The following SHANK2 variants were observed in gnomAD, a reference collection of about 807,000 sequenced individuals.
SHANK2 encodes the protein SH3 and multiple ankyrin repeat domains protein 2.
SHANK2 carries 43 observed loss-of-function variants against 133.7 expected under a neutral mutation model. The observed-to-expected ratio is 0.32, with a 90% CI of 0.25 to 0.41. SHANK2 has a LOEUF of 0.41. Ranked by LOEUF, SHANK2 falls within the 10% of genes least tolerant of loss-of-function variation. The probability of loss-of-function intolerance (pLI) is 1.00; values close to 1 mark genes in which losing one functional copy is unlikely to be tolerated. For missense variants in SHANK2, 1,994 were observed against 2,235.8 expected, an observed-to-expected ratio of 0.89 and a Z score of 2.18; for synonymous variants, 1,017 against 952.8, an observed-to-expected ratio of 1.07 and a Z score of -1.24.
chr11:71,149,339 C>T (rs1318050910), intron 2 of SHANK2, among the ~76,000 whole-genome samples: 3 of 152,220 alleles, frequency 2.0e-5, no homozygotes, highest in African/African-American at 4.8e-5. Flanking sequence ...ACCTACAGAG[C>T]TGACTTCACC....
At chr11:70,815,433 C>T (rs564576321) in intron 12 of SHANK2, among the ~76,000 whole-genome samples, 23 of 152,136 alleles carry the variant, frequency 1.5e-4, no homozygotes, top group South Asian at 1.2e-3. Context: ...TGATGGGCAG[C>T]GAGGGACCCT....
intron 17 of SHANK2, among the ~76,000 whole-genome samples, chr11:70,562,030 C>T (rs1325954309): frequency 6.6e-6 from 1 of 152,102 alleles, no homozygotes; most frequent in Non-Finnish European, 1.5e-5. Flanking sequence ...TTTCTAATTT[C>T]CCATTTGATT....
chr11:70,752,866 T>C (rs1269770500), intron 14 of SHANK2, among the ~76,000 whole-genome samples: 2 of 151,930 alleles, frequency 1.3e-5, no homozygotes, highest in African/African-American at 4.8e-5. Context: ...GTAATCTCAG[T>C]ACCTTGCGGG....
At chr11:70,745,206 G>A (rs1180289141) in intron 14 of SHANK2, among the ~76,000 whole-genome samples, 9 of 152,192 alleles carry the variant, frequency 5.9e-5, no homozygotes, top group African/African-American at 1.4e-4. Context: ...AGTGAGCCCC[G>A]CCTTTCTCTG....
chr11:70,851,134 C>G (rs1949081167), intron 11 of SHANK2, among the ~76,000 whole-genome samples: 2 of 152,192 alleles, frequency 1.3e-5, no homozygotes, highest in African/African-American at 2.4e-5. Flanking sequence ...TCTGGACTTT[C>G]CACTTCATGG....
intron 17 of SHANK2, among the ~76,000 whole-genome samples, chr11:70,585,690 T>A (rs2060239775): frequency 6.6e-6 from 1 of 151,314 alleles, no homozygotes; most frequent in Non-Finnish European, 1.5e-5. Context: ...TACCCACTCA[T>A]CTATCCATTT....
intron 11 of SHANK2, among the ~76,000 whole-genome samples, chr11:70,879,643 A>G (rs1949626252): frequency 6.6e-6 from 1 of 152,236 alleles, no homozygotes; most frequent in Non-Finnish European, 1.5e-5. Context: ...CTCTGTGACT[A>G]TTTCCTGACT....
intron 14 of SHANK2, among the ~76,000 whole-genome samples, chr11:70,721,084 G>A (rs1408094724): frequency 2.6e-5 from 4 of 152,328 alleles, no homozygotes; most frequent in South Asian, 2.1e-4. Context: ...CCGGCAGTCC[G>A]GGCACCTTCT....
chr11:71,240,862 G>A (rs1287472855), intron 1 of SHANK2: 6 of 152,320 alleles, frequency 3.9e-5, no homozygotes, highest in African/African-American at 7.2e-5. Context: ...CTTGAGCCAC[G>A]GAGGTCCATT....
chr11:70,925,727 C>T (rs1272796030), intron 10 of SHANK2, among the ~76,000 whole-genome samples: 3 of 152,132 alleles, frequency 2.0e-5, no homozygotes, highest in Admixed American at 1.3e-4. Flanking sequence ...CTTGCCTTGC[C>T]GTGTGCAGAC....
At chr11:70,600,681 C>G (rs2060483395) in intron 17 of SHANK2, among the ~76,000 whole-genome samples, 1 of 152,076 alleles carries the variant, frequency 6.6e-6, no homozygotes, top group East Asian at 1.9e-4. Flanking sequence ...CACGGAAGAT[C>G]TTGGAGAAAA....
At chr11:70,791,965 A>T (rs1012808513) in intron 14 of SHANK2, among the ~76,000 whole-genome samples, 1 of 152,224 alleles carries the variant, frequency 6.6e-6, no homozygotes, top group Non-Finnish European at 1.5e-5. Flanking sequence ...TGCAGCCTTA[A>T]GAAATTACAA....
chr11:70,551,284 G>A (rs907574674), intron 17 of SHANK2, among the ~76,000 whole-genome samples: 2 of 152,180 alleles, frequency 1.3e-5, no homozygotes, highest in Non-Finnish European at 2.9e-5. Context: ...ACGGAGGCTG[G>A]AGCCTCTGCT....
intron 11 of SHANK2, chr11:70,872,275 C>T (rs1949478936): frequency 6.5e-6 from 1 of 154,708 alleles, no homozygotes; most frequent in Admixed American, 6.5e-5. Context: ...TGCAGATCCA[C>T]ATTGAAGGTA....
At chr11:71,153,303 G>A (rs1446159160) in intron 2 of SHANK2, among the ~76,000 whole-genome samples, 1 of 139,134 alleles carries the variant, frequency 7.2e-6, no homozygotes, top group Non-Finnish European at 1.6e-5. Context: ...CGGGGGCGGG[G>A]GAGAGGCCAT....
At chr11:70,572,530 G>T (rs1189572036) in intron 17 of SHANK2, among the ~76,000 whole-genome samples, 1 of 152,260 alleles carries the variant, frequency 6.6e-6, no homozygotes, top group Non-Finnish European at 1.5e-5. Flanking sequence ...TCAGACAGAA[G>T]GGAAGGGAAG....
intron 17 of SHANK2, among the ~76,000 whole-genome samples, chr11:70,612,414 T>C (rs941590739): frequency 1.3e-5 from 2 of 152,136 alleles, no homozygotes; most frequent in Non-Finnish European, 2.9e-5. Context: ...GCATGAAAGG[T>C]TGGGTTTCTC....
At chr11:71,220,515 A>G (rs566583675) in intron 2 of SHANK2, among the ~76,000 whole-genome samples, 1 of 152,220 alleles carries the variant, frequency 6.6e-6, no homozygotes, top group African/African-American at 2.4e-5. Context: ...AACAGCCAAA[A>G]GGTTGGAGCA....
intron 6 of SHANK2, among the ~76,000 whole-genome samples, chr11:71,108,265 G>A (rs1381324361): frequency 2.0e-5 from 3 of 152,214 alleles, no homozygotes; most frequent in East Asian, 3.9e-4. Flanking sequence ...AGCACGAGAC[G>A]CATCCACGTC....
Sources: gnomAD v4.1 joint callset for allele counts (sites outside exome capture counted in the v4.1 genomes callset) on GRCh38, gnomAD v4.1.1 for gene constraint, MANE v1.5 for transcripts, NCBI Gene and HGNC (gene_info 2026-07-23, HGNC 2026-07-21) for gene names.